Variants in EMSY observed in about 807,000 individuals in gnomAD.
The protein encoded by EMSY is EMSY transcriptional repressor, BRCA2 interacting.
Under a neutral mutation model 134.6 loss-of-function variants are expected in EMSY, and 26 were observed. The observed-to-expected ratio is 0.19, with a 90% CI of 0.14 to 0.27. The LOEUF is 0.27. Ranked by LOEUF, EMSY falls within the 10% of genes least tolerant of loss-of-function variation. EMSY has a pLI of 1.00. For missense variants in EMSY, 1,305 were observed against 1,611.4 expected, an observed-to-expected ratio of 0.81 and a Z score of 3.26; for synonymous variants, 579 against 577.8, an observed-to-expected ratio of 1.00 and a Z score of -0.03.
At chr11:76,547,113 T>C (rs576707287) in intron 20 of EMSY, 1 of 451,608 alleles carries the variant, frequency 2.2e-6, no homozygotes, top group African/African-American at 2.0e-5. Context: ...ATCAGGTTGT[T>C]TTCTTGACAT....
intron 14 of EMSY, among the ~76,000 whole-genome samples, chr11:76,531,664 G>A (rs1053337651): frequency 3.9e-5 from 6 of 152,090 alleles, no homozygotes; most frequent in Non-Finnish European, 7.4e-5. Context: ...CAGATTAATT[G>A]TAATTTGTAG....
rs562980620 is a variant in EMSY, at chr11:76,508,327, A to G, written c.1364-5059A>G. ...CTAGGTGCATTGTCAGTGGGTAGTAATATTTTGAAAGGAATCTTTTTTTTT... is the reference window on the plus strand; with the variant it reads ...CTAGGTGCATTGTCAGTGGGTAGTAGTATTTTGAAAGGAATCTTTTTTTTT... On this transcript the variant is annotated intron_variant, in intron 9 of 20. Transcript: ENST00000334736. Among the ~76,000 whole-genome samples the G allele has an allele frequency of 5.4e-5, 8 of 147,492 alleles. No homozygotes were observed. The South Asian group carries it at 1.8e-3, about 33-fold the overall frequency.
chr11:76,452,120 A>G (rs1376853137), intron 3 of EMSY, among the ~76,000 whole-genome samples, 163 bp downstream of exon 3: 2 of 152,250 alleles, frequency 1.3e-5, no homozygotes, highest in African/African-American at 4.8e-5. Flanking sequence ...TCTGTTACAG[A>G]AAATTGTATA....
chr11:76,473,800 G>A lies in EMSY; in HGVS notation c.1108+960G>A, dbSNP rs117179742. Among the ~76,000 whole-genome samples the A allele has an allele frequency of 4.0e-4, 60 of 151,884 alleles. 3 individuals carry two copies. In the East Asian group the frequency reaches 0.011, roughly 28 times the overall value. ...AGGTCAGGAGTTCAAGACCAGCCTGGCCTGTAACATGGTGAAACCCTGTCT... is the reference window on the plus strand; with the variant it reads ...AGGTCAGGAGTTCAAGACCAGCCTGACCTGTAACATGGTGAAACCCTGTCT... On this transcript the variant is annotated intron_variant, in intron 8 of 20. Transcript: ENST00000334736.
Position 76,458,164 on chromosome 11 carries a change from C to A in EMSY, c.246-19C>A, listed in dbSNP as rs372630335. ...TAGTGATTGAAAACCCTTGTAGCAG[C>A]GCTTTCTTTTTTGTTTAGTATGTCT... On this transcript the variant is annotated intron_variant, in intron 4 of 20. Transcript: ENST00000334736. The A allele has an allele frequency of 2.0e-5, 31 of 1,580,790 alleles. No homozygotes were observed. The African/African-American group carries it at 3.2e-4, about 16-fold the overall frequency.
intron 9 of EMSY, among the ~76,000 whole-genome samples, chr11:76,509,377 C>T (rs949294233): frequency 7.2e-5 from 11 of 151,946 alleles, no homozygotes; most frequent in Admixed American, 2.0e-4. Context: ...CCTATAATCC[C>T]GCTACTCGGG....
exon 9 of EMSY, chr11:76,496,330 T>C (rs767567909): frequency 2.7e-5 from 44 of 1,614,100 alleles, no homozygotes; most frequent in Admixed American, 3.3e-5. Flanking sequence ...AACAGTCTCC[T>C]AAGCAGCAGT....
chr11:76,512,545 A>G (rs967581543), intron 9 of EMSY, among the ~76,000 whole-genome samples: 2 of 151,976 alleles, frequency 1.3e-5, no homozygotes, highest in Admixed American at 6.6e-5. Context: ...TTATTTTCAC[A>G]TTGAAAATCA....
At chr11:76,544,364 T>C (rs1266870480) in exon 19 of EMSY, 2 of 1,614,164 alleles carry the variant, frequency 1.2e-6, no homozygotes, top group Admixed American at 1.7e-5. Flanking sequence ...AGGTCTGTTT[T>C]ACCGATCTGC....
chr11:76,459,633 A>G, intron 5 of EMSY: 1 of 273,574 alleles, frequency 3.7e-6, no homozygotes, highest in Non-Finnish European at 7.0e-6. Context: ...CCATGAGTGA[A>G]AATTATTTTC....
chr11:76,511,301 T>C (rs1950266957), intron 9 of EMSY, among the ~76,000 whole-genome samples: 1 of 152,256 alleles, frequency 6.6e-6, no homozygotes, highest in Non-Finnish European at 1.5e-5. Flanking sequence ...TTGATCCAGA[T>C]TTTAAACTTA....
intron 13 of EMSY, among the ~76,000 whole-genome samples, chr11:76,526,897 A>G (rs1201808445): frequency 1.3e-5 from 2 of 152,164 alleles, no homozygotes; most frequent in East Asian, 1.9e-4. Flanking sequence ...AATTTGCTGA[A>G]GGTGTATTTT....
At chr11:76,446,380 T>G (rs1947410311) in intron 1 of EMSY, among the ~76,000 whole-genome samples, 1 of 150,894 alleles carries the variant, frequency 6.6e-6, no homozygotes, top group African/African-American at 2.4e-5. Context: ...TCGTTCCAAT[T>G]TTAGTATATG....
At chr11:76,520,743 C>CT (rs1379746632) in intron 11 of EMSY, among the ~76,000 whole-genome samples, 5 of 152,044 alleles carry the variant, frequency 3.3e-5, no homozygotes, top group Non-Finnish European at 7.4e-5. Context: ...CTAGAATATT[C>CT]TTATTCTTAG....
intron 8 of EMSY, among the ~76,000 whole-genome samples, chr11:76,481,481 G>A (rs560638749): frequency 2.0e-5 from 3 of 152,350 alleles, no homozygotes; most frequent in Admixed American, 2.0e-4. Flanking sequence ...ACGCCAGCAA[G>A]CTAAGATCAA....
intron 10 of EMSY, 118 bp from the exon 12 acceptor site, chr11:76,516,024 A>G (rs985196938): frequency 1.1e-6 from 1 of 892,532 alleles, no homozygotes; most frequent in Non-Finnish European, 1.6e-6. Flanking sequence ...TGACACCTTG[A>G]AATTCCATTT....
intron 9 of EMSY, among the ~76,000 whole-genome samples, chr11:76,503,874 T>G (rs1390710239): frequency 6.6e-6 from 1 of 152,090 alleles, no homozygotes; most frequent in Non-Finnish European, 1.5e-5. Flanking sequence ...AACTTACGCC[T>G]CCTGGGTTCA....
At chr11:76,450,691 C>T (rs555831131) in intron 2 of EMSY, among the ~76,000 whole-genome samples, 2 of 151,918 alleles carry the variant, frequency 1.3e-5, no homozygotes, top group African/African-American at 4.8e-5. Flanking sequence ...GGGGTCTTGC[C>T]ATGTTGCCCA....
chr11:76,512,191 C>T (rs1950301340), intron 9 of EMSY, among the ~76,000 whole-genome samples: 2 of 150,400 alleles, frequency 1.3e-5, no homozygotes, highest in Admixed American at 1.3e-4. Context: ...CCAAAAATTT[C>T]CTTCCTTAGC....
Sources: gnomAD v4.1 joint callset for allele counts (sites outside exome capture counted in the v4.1 genomes callset) on GRCh38, gnomAD v4.1.1 for gene constraint, MANE v1.5 for transcripts, NCBI Gene and HGNC (gene_info 2026-07-23, HGNC 2026-07-21) for gene names.